Variants in VWA5A observed in about 807,000 individuals in gnomAD.
The protein encoded by VWA5A is von Willebrand factor A domain containing 5A, also known as von Willebrand factor A domain-containing protein 5A.
Under a neutral mutation model 84.6 loss-of-function variants are expected in VWA5A, and 77 were observed. That is an observed-to-expected ratio of 0.91 (90% CI 0.76 to 1.10). The LOEUF (loss-of-function observed/expected upper bound fraction) is 1.10, where lower values mean the gene tolerates loss of function less well. Ranked by LOEUF, VWA5A falls within the 50% of genes least tolerant of loss-of-function variation. The pLI is 0.00. For missense variants in VWA5A, 973 were observed against 963.0 expected (o/e 1.01, Z -0.14); for synonymous variants, 334 against 350.1 (o/e 0.95, Z 0.51).
At chr11:124,118,071 G>T in intron 4 of VWA5A, 118 bp from the exon 5 acceptor site, 3 of 1,299,802 alleles carry the variant, frequency 2.3e-6, no homozygotes, top group Non-Finnish European at 2.1e-6. Context: ...GGCATTCAGA[G>T]TATAGCTGTG....
chr11:124,134,491 G>C (rs1230244253), intron 11 of VWA5A, among the ~76,000 whole-genome samples: 1 of 152,192 alleles, frequency 6.6e-6, no homozygotes, highest in Admixed American at 6.5e-5. Flanking sequence ...CTTTCTCTAA[G>C]AATAGTCTTG....
In VWA5A at chr11:124,145,226, C is replaced by T; in HGVS notation, c.2155-11C>T. 6.2e-7 allele frequency: 1 copy of T among 1,608,984 alleles called. No homozygotes were observed. ...TCCTGTGCCAACTGGAGCTCTCTATCTACTGTGCAGCTTGTGGATTCCTCA... is the reference window on the plus strand; with the variant it reads ...TCCTGTGCCAACTGGAGCTCTCTATTTACTGTGCAGCTTGTGGATTCCTCA... On this transcript the variant is annotated splice_polypyrimidine_tract_variant and intron_variant, in intron 17 of 18. Transcript: ENST00000456829.
chr11:124,119,949 A>G (rs1164988686), intron 7 of VWA5A, among the ~76,000 whole-genome samples: 2 of 152,200 alleles, frequency 1.3e-5, no homozygotes, highest in African/African-American at 2.4e-5. Flanking sequence ...TATCTAATAC[A>G]TAATTTCTAT....
At chr11:124,144,066 G>T (rs1290914932) in intron 17 of VWA5A, among the ~76,000 whole-genome samples, 1 of 152,028 alleles carries the variant, frequency 6.6e-6, no homozygotes, top group Non-Finnish European at 1.5e-5. Flanking sequence ...TGAAGATTTA[G>T]ATGAAGATAA....
chr11:124,131,135 T>C (rs1565618665), intron 11 of VWA5A, among the ~76,000 whole-genome samples: 1 of 152,104 alleles, frequency 6.6e-6, no homozygotes, highest in Non-Finnish European at 1.5e-5. Context: ...AAACTGTGGA[T>C]ACTATACCAA....
At chr11:124,143,556 A>G (rs1015703410) in intron 17 of VWA5A, among the ~76,000 whole-genome samples, 1 of 152,212 alleles carries the variant, frequency 6.6e-6, no homozygotes, top group Non-Finnish European at 1.5e-5. Flanking sequence ...AAGGAATAAA[A>G]CATTTCATCA....
At chr11:124,119,177 C>G in intron 7 of VWA5A, 88 bp downstream of exon 7, 1 of 1,230,886 alleles carries the variant, frequency 8.1e-7, no homozygotes, top group Non-Finnish European at 1.2e-6. Flanking sequence ...TTCTTTCCTT[C>G]CCTCCAGGGG....
At chr11:124,129,705 T>C (rs572929543) in intron 11 of VWA5A, among the ~76,000 whole-genome samples, 3 of 152,080 alleles carry the variant, frequency 2.0e-5, no homozygotes, top group Non-Finnish European at 4.4e-5. Flanking sequence ...GGTTTAGTCT[T>C]GGGGTGGGGG....
chr11:124,123,294 A>G (rs574257788), intron 8 of VWA5A, 72 bp from the exon 9 acceptor site: 1 of 1,535,144 alleles, frequency 6.5e-7, no homozygotes, highest in African/African-American at 1.4e-5. Context: ...CATCCTCAAG[A>G]GTCGATTGAC....
At position 124,116,598 on chromosome 11, in the gene VWA5A, T is replaced by A. The variant is rs1321202760; in HGVS notation, c.-98T>A. ...TGTTCTACCAGAGAACTTGCCCAGG[T>A]CAGAGGTCTGCGTAGAAGCCCTTTT... On this transcript the variant is annotated 5_prime_UTR_variant, in exon 2 of 19. Transcript: ENST00000456829. 1 of 152,308 alleles carries A rather than the reference T, an allele frequency of 6.6e-6. No individual in the cohort carries two copies. The highest frequency in any genetic ancestry group is 1.5e-5 in the Non-Finnish European group (1 of 68,150). The allele number at this position is 152,308 out of a possible 1,614,324, so 9.4% of individuals were successfully genotyped here.
intron 15 of VWA5A, among the ~76,000 whole-genome samples, chr11:124,137,626 G>A (rs1023451756): frequency 3.9e-5 from 6 of 152,128 alleles, no homozygotes; most frequent in African/African-American, 1.2e-4. Context: ...AGTCCAATGG[G>A]TTTTAGTATG....
Position 124,142,563 on chromosome 11 carries a change from G to C in VWA5A, c.2145G>C (p.Gln715His), listed in dbSNP as rs1466112604. 1 of 1,614,148 alleles carries C rather than the reference G, an allele frequency of 6.2e-7. No homozygotes were observed. Among genetic ancestry groups the C allele is most frequent in the Admixed American group, 1.7e-5 (1 of 60,022 alleles). ...GMSLEEIMAA[Q>H]PAELVDSSGW... ...GTTTGGAAGAAATAATGGCTGCACA[G>C]CCTGCCGAGGTAAGATTCAATGGAA... Residue 715 changes from glutamine (Q) to histidine (H), a missense_variant, in exon 17 of 19, where the codon CAG becomes CAC. Coordinates refer to ENST00000456829, the MANE Select transcript of VWA5A (RefSeq NM_001130142.2).
chr11:124,147,168 C>T lies in VWA5A; in HGVS notation c.*1223C>T, dbSNP rs1368260587. 6.5e-6 allele frequency: 1 copy of T among 154,648 alleles called. No homozygotes were observed. Among genetic ancestry groups the T allele is most frequent in the Non-Finnish European group, 1.5e-5 (1 of 68,078 alleles). 9.6% of individuals were successfully genotyped at this position (154,648 alleles called of 1,614,324 possible). ...AGCTTTTCTGATGCCTCCACTGTTC[C>T]CATGGTATCCTGACCCTCTATCTTC... On this transcript the variant is annotated 3_prime_UTR_variant, in exon 19 of 19. Coordinates refer to ENST00000456829, the MANE Select transcript of VWA5A (RefSeq NM_001130142.2).
chr11:124,136,363 G>A, intron 13 of VWA5A, 70 bp downstream of exon 13: 1 of 1,561,492 alleles, frequency 6.4e-7, no homozygotes, highest in Non-Finnish European at 8.7e-7. Context: ...AAAGCTGGTA[G>A]GTGGATTTCA....
chr11:124,132,505 A>C (rs970296754), intron 11 of VWA5A, among the ~76,000 whole-genome samples: 2 of 152,022 alleles, frequency 1.3e-5, no homozygotes, highest in African/African-American at 4.8e-5. Flanking sequence ...TTTTTATAAA[A>C]GTTTGTATAT....
In VWA5A at chr11:124,142,547, A is replaced by G; in HGVS notation, c.2129A>G (p.Glu710Gly). Residue 710 changes from glutamate to glycine, a missense_variant, in exon 17 of 19, where the codon GAA (glutamate) becomes GGA (glycine). Transcript: ENST00000456829. ...AAGATCCTAGGTATGAGTTTGGAAG[A>G]AATAATGGCTGCACAGCCTGCCGAG... Reference protein sequence around the residue: ...LAKILGMSLEEIMAAQPAELV... With the variant: ...LAKILGMSLEGIMAAQPAELV... 6.2e-7 allele frequency: 1 copy of G among 1,614,214 alleles called. No individual in the cohort carries two copies. The highest frequency in any genetic ancestry group is 8.5e-7 in the Non-Finnish European group (1 of 1,180,036).
At chr11:124,119,782 G>A (rs1367620385) in intron 7 of VWA5A, among the ~76,000 whole-genome samples, 4 of 152,146 alleles carry the variant, frequency 2.6e-5, no homozygotes, top group Admixed American at 6.5e-5. Flanking sequence ...TCCAAAGAAT[G>A]TTACGTAAAA....
intron 11 of VWA5A, among the ~76,000 whole-genome samples, chr11:124,130,786 G>T (rs898812344): frequency 6.6e-6 from 1 of 152,046 alleles, no homozygotes; most frequent in Non-Finnish European, 1.5e-5. Context: ...AGTTTTTAGT[G>T]AATATTGTTT....
chr11:124,118,628 C>T lies in VWA5A; in HGVS notation c.565C>T (p.Gln189Ter). 3 of 1,614,172 alleles carry T rather than the reference C, an allele frequency of 1.9e-6. No individual in the cohort carries two copies. The highest frequency in any genetic ancestry group is 2.5e-6 in the Non-Finnish European group (3 of 1,180,030). ...TLSMVATIDS[Q>*]HGIEKVQSNC... ...CAGCATGGTCGCCACCATAGATTCC[C>T]AGCATGGCATTGAGAAGGTCCAATC... Residue 189 changes from glutamine to a stop codon, truncating the protein, a stop_gained, in exon 6 of 19, where the codon CAG (glutamine) becomes TAG (stop). Coordinates refer to ENST00000456829, the MANE Select transcript of VWA5A (RefSeq NM_001130142.2). LOFTEE classifies it high-confidence loss of function.
Sources: allele counts gnomAD v4.1 joint callset (sites outside exome capture counted in the v4.1 genomes callset), GRCh38; gene constraint gnomAD v4.1.1; transcripts MANE v1.5; gene names NCBI Gene and HGNC (gene_info 2026-07-23, HGNC 2026-07-21).